Variants in CCNY observed in about 807,000 individuals in gnomAD.
The protein encoded by CCNY is cyclin-Y.
A neutral mutation model predicts 42.8 loss-of-function variants in CCNY; 19 were observed. The observed-to-expected ratio is 0.44, with a 90% CI of 0.31 to 0.65. The LOEUF (loss-of-function observed/expected upper bound fraction) is 0.65. Among genes scored for constraint, CCNY ranks in the 30% least tolerant of loss-of-function variants. CCNY has a pLI of 0.07. For synonymous variants in CCNY, 165 were observed against 162.7 expected, an observed-to-expected ratio of 1.01 and a Z score of -0.11; for missense variants, 370 against 437.3, an observed-to-expected ratio of 0.85 and a Z score of 1.37.
At chr10:35,294,082 G>A (rs957158995) in intron 3 of CCNY, among the ~76,000 whole-genome samples, 9 of 152,236 alleles carry the variant, frequency 5.9e-5, no homozygotes, top group African/African-American at 1.9e-4. Context: ...GAGCCACTGC[G>A]TCTGGCACAA....
At chr10:35,567,236 A>G (rs1841590225) in intron 9 of CCNY, among the ~76,000 whole-genome samples, 1 of 152,216 alleles carries the variant, frequency 6.6e-6, no homozygotes, top group Non-Finnish European at 1.5e-5. Context: ...TAGCCCAGTT[A>G]GAGCTGAGGG....
chr10:35,331,482 C>A (rs1290592345), intron 3 of CCNY, among the ~76,000 whole-genome samples: 1 of 152,154 alleles, frequency 6.6e-6, no homozygotes, highest in African/African-American at 2.4e-5. Flanking sequence ...CTCCCAGATG[C>A]CAGAGACCCT....
At chr10:35,272,050 G>A (rs551080400) in intron 3 of CCNY, among the ~76,000 whole-genome samples, 17 of 152,126 alleles carry the variant, frequency 1.1e-4, no homozygotes, top group Admixed American at 2.0e-4. Context: ...GCAGTGGAGC[G>A]ATCTCGGCTT....
At chr10:35,335,343 C>G (rs1836000908), upstream of CCNY, among the ~76,000 whole-genome samples, 2 of 152,000 alleles carry the variant, frequency 1.3e-5, no homozygotes, top group South Asian at 4.2e-4. Context: ...CAAAGCAAAG[C>G]AAAGCAAGGG....
chr10:35,465,938 A>AGAGAGAGAGAGAGAGAGAGAGAGTGT, intron 1 of CCNY, among the ~76,000 whole-genome samples: 16 of 81,022 alleles, frequency 2.0e-4, no homozygotes, highest in Admixed American at 5.1e-4. Context: ...AGAGAGAGAG[A>AGAGAGAGAGAGAGAGAGAGAGAGTGT]GTGTGTGTGT....
At chr10:35,522,266 C>T (rs1409819539) in intron 4 of CCNY, among the ~76,000 whole-genome samples, 3 of 152,178 alleles carry the variant, frequency 2.0e-5, no homozygotes, top group Admixed American at 6.5e-5. Context: ...CAGGGCTGAG[C>T]GTACTCCATG....
intron 3 of CCNY, among the ~76,000 whole-genome samples, chr10:35,286,232 T>A (rs1451783247): frequency 6.6e-6 from 1 of 152,186 alleles, no homozygotes; most frequent in Admixed American, 6.6e-5. Context: ...CAATTTAATT[T>A]ATGATTTCTT....
chr10:35,494,340 A>T (rs111931526), intron 2 of CCNY, among the ~76,000 whole-genome samples: 1 of 151,458 alleles, frequency 6.6e-6, no homozygotes, highest in Non-Finnish European at 1.5e-5. Context: ...GTCTGAAATT[A>T]TATCAGCCAG....
At chr10:35,552,972 T>C in intron 7 of CCNY, 47 bp from the exon 8 acceptor site, 1 of 1,577,620 alleles carries the variant, frequency 6.3e-7, no homozygotes, top group Non-Finnish European at 8.7e-7. Flanking sequence ...TGCTGGTGTT[T>C]AGGAGAAAAC....
chr10:35,525,670 C>T (rs1316065602), intron 4 of CCNY, among the ~76,000 whole-genome samples: 2 of 151,136 alleles, frequency 1.3e-5, no homozygotes, highest in African/African-American at 2.4e-5. Flanking sequence ...TTTTTTTTCC[C>T]ACAAGTGAGG....
intron 3 of CCNY, among the ~76,000 whole-genome samples, chr10:35,308,697 C>G (rs1835644395): frequency 6.6e-6 from 1 of 152,090 alleles, no homozygotes; most frequent in Admixed American, 6.5e-5. Flanking sequence ...TAATGTGAGA[C>G]TAATGGGCTA....
At position 35,570,379 on chromosome 10, in the gene CCNY, A is replaced by C. The variant is rs2135471560; in HGVS notation, c.*1209A>C. 1 of 152,478 alleles carries C rather than the reference A, an allele frequency of 6.6e-6. No homozygotes were observed. The highest frequency in any genetic ancestry group is 1.9e-4 in the East Asian group (1 of 5,320). The allele number at this position is 152,478 out of a possible 1,614,324, so 9.4% of individuals were successfully genotyped here. On this transcript the variant is annotated 3_prime_UTR_variant, in exon 10 of 10. Coordinates refer to ENST00000374704, the MANE Select transcript of CCNY (RefSeq NM_145012.6). ...TTGTGGGTGCTTAGAGAAGTTCTAC[A>C]AAATTCAAACTGTGAAGGTTTATGC... is the stretch of plus-strand genomic sequence containing the variant.
At chr10:35,380,710 C>T (rs1430654532) in intron 1 of CCNY, among the ~76,000 whole-genome samples, 1 of 152,102 alleles carries the variant, frequency 6.6e-6, no homozygotes, top group Non-Finnish European at 1.5e-5. Context: ...CTGACAGGCC[C>T]AGAGAGATTA....
chr10:35,344,633 A>T (rs537644754), intron 1 of CCNY, among the ~76,000 whole-genome samples: 56 of 152,140 alleles, frequency 3.7e-4, no homozygotes, highest in African/African-American at 1.1e-3. Flanking sequence ...GTGCAGGTTT[A>T]TTACATATGT....
intron 3 of CCNY, among the ~76,000 whole-genome samples, chr10:35,324,146 A>G (rs1483793770): frequency 2.0e-5 from 3 of 152,154 alleles, no homozygotes; most frequent in Non-Finnish European, 2.9e-5. Flanking sequence ...TCCTTTAAGA[A>G]GCCTCCACTT....
chr10:35,520,276 G>C (rs997336703), intron 4 of CCNY, among the ~76,000 whole-genome samples: 4 of 152,174 alleles, frequency 2.6e-5, no homozygotes, highest in Non-Finnish European at 5.9e-5. Context: ...AGAAGGAAGA[G>C]TAGTGAAAAA....
intron 8 of CCNY, among the ~76,000 whole-genome samples, chr10:35,554,898 G>C (rs555207959): frequency 1.3e-5 from 2 of 152,306 alleles, no homozygotes; most frequent in South Asian, 2.1e-4. Flanking sequence ...TAACATTAGA[G>C]GTGTGGAGGA....
chr10:35,544,168 T>C (rs1841063747), intron 7 of CCNY, among the ~76,000 whole-genome samples: 1 of 152,204 alleles, frequency 6.6e-6, no homozygotes, highest in Admixed American at 6.5e-5. Context: ...CACAGTAGTG[T>C]ACAGTAATGC....
intron 7 of CCNY, among the ~76,000 whole-genome samples, chr10:35,548,900 C>T (rs1002202552): frequency 6.6e-6 from 1 of 152,074 alleles, no homozygotes; most frequent in Non-Finnish European, 1.5e-5. Context: ...GTGCCCTGAT[C>T]CATTCTAAGG....
Sources: allele counts gnomAD v4.1 joint callset (sites outside exome capture counted in the v4.1 genomes callset), GRCh38; gene constraint gnomAD v4.1.1; transcripts MANE v1.5; gene names NCBI Gene and HGNC (gene_info 2026-07-23, HGNC 2026-07-21).